The following AGFG1 variants were observed in gnomAD, a reference collection of about 807,000 sequenced individuals.
AGFG1 encodes ArfGAP with FG repeats 1.
A neutral mutation model predicts 60.6 loss-of-function variants in AGFG1; 10 were observed. The ratio of observed to expected loss-of-function variants is 0.16; its 90% CI spans 0.10 to 0.28. The LOEUF (loss-of-function observed/expected upper bound fraction) is 0.28, where lower values mean the gene tolerates loss of function less well. AGFG1 is among the 10% of genes least tolerant of loss of function. AGFG1 has a pLI of 1.00. For missense variants in AGFG1, 537 were observed against 676.5 expected (o/e 0.79, Z 2.29); for synonymous variants, 247 against 242.9 (o/e 1.02, Z -0.16).
At chr2:227,540,187 T>C (rs1017939305) in intron 10 of AGFG1, among the ~76,000 whole-genome samples, 41 of 134,802 alleles carry the variant, frequency 3.0e-4, no homozygotes, top group Non-Finnish European at 4.8e-5. Flanking sequence ...TATAAAACTT[T>C]GGGGCTTTAG....
intron 1 of AGFG1, among the ~76,000 whole-genome samples, chr2:227,483,403 G>T (rs1032262800): frequency 6.6e-6 from 1 of 151,992 alleles, no homozygotes; most frequent in Non-Finnish European, 1.5e-5. Flanking sequence ...GCAGTTCTGT[G>T]AATCTTAACA....
At chr2:227,493,104 A>G (rs1208290150) in intron 2 of AGFG1, among the ~76,000 whole-genome samples, 2 of 152,182 alleles carry the variant, frequency 1.3e-5, no homozygotes, top group Admixed American at 6.5e-5. Context: ...AATATGTGAG[A>G]TAAGGTTAGG....
rs1001805862 is a variant in AGFG1 at position 227,555,450 on chromosome 2, G to A, written c.*955G>A. On this transcript the variant is annotated 3_prime_UTR_variant, in exon 13 of 13. Coordinates refer to ENST00000310078, the MANE Select transcript of AGFG1 (RefSeq NM_004504.5). ...TATCTTGAATTCTCAGACTGCAAAA[G>A]GCCTATTTTAACTATTGATTTTTTT... The A allele has an allele frequency of 3.9e-5, 6 of 152,386 alleles. No homozygotes were observed. The South Asian group carries it at 1.0e-3, about 26-fold the overall frequency. The allele number at this position is 152,386 out of a possible 1,614,324, so 9.4% of individuals were successfully genotyped here.
intron 6 of AGFG1, among the ~76,000 whole-genome samples, chr2:227,532,628 G>C (rs1692196153): frequency 6.6e-6 from 1 of 151,866 alleles, no homozygotes; most frequent in South Asian, 2.1e-4. Context: ...TTTAATAGAA[G>C]TTCATGCATT....
intron 4 of AGFG1, 94 bp downstream of exon 4, chr2:227,524,019 G>A: frequency 8.3e-7 from 1 of 1,199,782 alleles, no homozygotes; most frequent in East Asian, 2.4e-5. Context: ...GCATAATCTT[G>A]TATGCCAGTA....
Position 227,559,329 on chromosome 2 carries a change from A to G in AGFG1, c.*4834A>G, listed in dbSNP as rs955204256. The G allele has an allele frequency of 6.6e-6, 1 of 152,318 alleles. No individual in the cohort carries two copies. Among genetic ancestry groups the G allele is most frequent in the East Asian group, 1.9e-4 (1 of 5,184 alleles). 9.4% of individuals were successfully genotyped at this position (152,318 alleles called of 1,614,324 possible). A position where few individuals can be genotyped will look rare whatever the true frequency, so the allele number is the denominator to read the frequency against. ...TGGAGTTGGCAAATCCTGAATATAT[A>G]GTGAAGGTAGGAAATAGCTCTTCTT... On this transcript the variant is annotated 3_prime_UTR_variant, in exon 13 of 13. Transcript: ENST00000310078.
chr2:227,476,455 C>G (rs1037404101), intron 1 of AGFG1, among the ~76,000 whole-genome samples: 4 of 152,054 alleles, frequency 2.6e-5, no homozygotes, highest in South Asian at 4.2e-4. Flanking sequence ...AAAAAGTGAT[C>G]CATAAATTTT....
chr2:227,552,756 C>G (rs1692858270), intron 11 of AGFG1, among the ~76,000 whole-genome samples: 1 of 149,420 alleles, frequency 6.7e-6, no homozygotes. Context: ...AATCCCAGCA[C>G]TTTGGGAGGC....
rs1690120545 is a variant in AGFG1, at chr2:227,472,435, CGAAGCGGAAGCAGGA to C, written c.16_30del (p.Lys6_Glu10del). ...GGCGCCGCGGCCATGGCGGCCAGCG[CGAAGCGGAAGCAGGA>C]GGAGAAGCACCTGAAGATGCTGCGG... On this transcript the variant is annotated inframe_deletion, in exon 1 of 13. Coordinates refer to ENST00000310078, the MANE Select transcript of AGFG1 (RefSeq NM_004504.5). The C allele has an allele frequency of 6.5e-7, 1 of 1,528,396 alleles. No homozygotes were observed. Among genetic ancestry groups the C allele is most frequent in the African/African-American group, 1.4e-5 (1 of 69,516 alleles). 94.7% of individuals were successfully genotyped at this position (1,528,396 alleles called of 1,614,324 possible). A position where few individuals can be genotyped will look rare whatever the true frequency, so the allele number is the denominator to read the frequency against.
At chr2:227,541,435 C>T (rs1043761358) in intron 10 of AGFG1, among the ~76,000 whole-genome samples, 5 of 152,268 alleles carry the variant, frequency 3.3e-5, no homozygotes, top group Non-Finnish European at 7.3e-5. Flanking sequence ...TTCCCAGCAC[C>T]GTTTCTTAAA....
intron 2 of AGFG1, among the ~76,000 whole-genome samples, chr2:227,500,158 G>A (rs963614815): frequency 2.0e-5 from 3 of 152,184 alleles, no homozygotes; most frequent in African/African-American, 7.2e-5. Context: ...AATTGGTAAT[G>A]ATGTTTAAGG....
In AGFG1 at chr2:227,555,057, T is replaced by A. The variant is rs1456963570; in HGVS notation, c.*562T>A. Reference sequence around the variant, plus strand: ...TTTAAAATGTAGAGGGATACCTGTCTGCATAATAAAGCTGATCATGTTTTG... The same window carrying A: ...TTTAAAATGTAGAGGGATACCTGTCAGCATAATAAAGCTGATCATGTTTTG... On this transcript the variant is annotated 3_prime_UTR_variant, in exon 13 of 13. Transcript: ENST00000310078. The A allele has an allele frequency of 2.0e-5, 3 of 152,584 alleles. No individual in the cohort carries two copies. The highest frequency in any genetic ancestry group is 1.3e-4 in the Admixed American group (2 of 15,280). 9.5% of individuals were successfully genotyped at this position (152,584 alleles called of 1,614,324 possible).
intron 10 of AGFG1, 41 bp downstream of exon 10, chr2:227,537,034 A>G (rs1211395042): frequency 6.5e-7 from 1 of 1,535,516 alleles, no homozygotes; most frequent in Non-Finnish European, 8.9e-7. Context: ...TTTGGGGAAG[A>G]CATTTATCAA....
intron 2 of AGFG1, among the ~76,000 whole-genome samples, chr2:227,499,639 CAA>C (rs34358491): frequency 2.2e-4 from 22 of 98,410 alleles, no homozygotes; most frequent in South Asian, 3.2e-4. Flanking sequence ...GACTCTGTCT[CAA>C]AAAAAAAAAA....
intron 5 of AGFG1, among the ~76,000 whole-genome samples, chr2:227,530,455 T>G (rs879463055): frequency 5.9e-5 from 9 of 152,202 alleles, no homozygotes; most frequent in Non-Finnish European, 1.3e-4. Flanking sequence ...TTTGGGGCTC[T>G]GAATTATATG....
intron 10 of AGFG1, among the ~76,000 whole-genome samples, chr2:227,550,641 AAG>A (rs1487154944): frequency 2.0e-5 from 3 of 152,194 alleles, no homozygotes; most frequent in Non-Finnish European, 4.4e-5. Context: ...AGTAATAAAA[AAG>A]TAATTTTTTA....
chr2:227,477,196 T>C (rs1690310525), intron 1 of AGFG1, among the ~76,000 whole-genome samples: 1 of 152,198 alleles, frequency 6.6e-6, no homozygotes, highest in South Asian at 2.1e-4. Context: ...CCACCTCGCC[T>C]GGCCTAGATA....
chr2:227,545,816 A>G (rs1559199433), intron 10 of AGFG1, among the ~76,000 whole-genome samples: 1 of 152,198 alleles, frequency 6.6e-6, no homozygotes, highest in Non-Finnish European at 1.5e-5. Context: ...CAAATATTGC[A>G]AAACAGCAAA....
At position 227,472,565 on chromosome 2, in the gene AGFG1, G is replaced by T; in HGVS notation, c.144G>T (p.Val48=). Residue 48 remains valine, a synonymous_variant, in exon 1 of 13, where the codon GTG becomes GTT. Transcript: ENST00000310078. The part of the protein sequence containing the change: ...TYVNMTVGSF[V]CTSCSGSLRG... ...TTAACATGACGGTCGGCTCCTTCGT[G>T]TGTACCTCCTGCTCCGGCAGCCTGT... is the stretch of plus-strand genomic sequence containing the variant. 6.3e-7 allele frequency: 1 copy of T among 1,580,014 alleles called. No homozygotes were observed. Among genetic ancestry groups the T allele is most frequent in the Non-Finnish European group, 8.6e-7 (1 of 1,162,896 alleles).
Sources: allele counts gnomAD v4.1 joint callset (sites outside exome capture counted in the v4.1 genomes callset), GRCh38; gene constraint gnomAD v4.1.1; transcripts MANE v1.5; gene names NCBI Gene and HGNC (gene_info 2026-07-23, HGNC 2026-07-21).